The following CSMD1 variants were observed in gnomAD, a reference collection of about 807,000 sequenced individuals.
CSMD1 encodes CUB and Sushi multiple domains 1, also known as CUB and sushi domain-containing protein 1.
A neutral mutation model predicts 417.5 loss-of-function variants in CSMD1; 213 were observed. The observed-to-expected ratio is 0.51, with a 90% CI of 0.46 to 0.57. CSMD1 has a LOEUF of 0.57. Ranked by LOEUF, CSMD1 falls within the 20% of genes least tolerant of loss-of-function variation. The pLI, the probability that CSMD1 is intolerant of heterozygous loss-of-function variation, is 0.00. For synonymous variants in CSMD1, 2,862 were observed against 1,736.8 expected, an observed-to-expected ratio of 1.65 and a Z score of -16.11; for missense variants, 6,923 against 4,529.7, an observed-to-expected ratio of 1.53 and a Z score of -15.17.
At chr8:4,107,178 G>A (rs149856553) in intron 3 of CSMD1, among the ~76,000 whole-genome samples, 17 of 152,286 alleles carry the variant, frequency 1.1e-4, no homozygotes, top group African/African-American at 3.6e-4. Flanking sequence ...GAAAACAAAT[G>A]CAACAAAAAG....
At chr8:3,802,345 T>C (rs909119671) in intron 5 of CSMD1, among the ~76,000 whole-genome samples, 2 of 152,194 alleles carry the variant, frequency 1.3e-5, no homozygotes, top group Non-Finnish European at 2.9e-5. Flanking sequence ...GTTATACATC[T>C]GTATATGTGT....
At chr8:4,116,685 G>A (rs894454022) in intron 3 of CSMD1, among the ~76,000 whole-genome samples, 2 of 152,016 alleles carry the variant, frequency 1.3e-5, no homozygotes, top group East Asian at 1.9e-4. Flanking sequence ...GAGTGCAGGT[G>A]CCTGGATGGA....
At chr8:3,570,548 T>A (rs1306205449) in intron 10 of CSMD1, among the ~76,000 whole-genome samples, 1 of 106,386 alleles carries the variant, frequency 9.4e-6, no homozygotes, top group Non-Finnish European at 2.0e-5. Context: ...GGAAATATTG[T>A]CTCCGCTCTA....
chr8:4,248,809 C>T (rs1001923269), intron 3 of CSMD1, among the ~76,000 whole-genome samples: 1 of 152,064 alleles, frequency 6.6e-6, no homozygotes, highest in Non-Finnish European at 1.5e-5. Context: ...AAATCTTTGC[C>T]TAATTTGGTG....
chr8:4,381,558 T>C (rs898072700), intron 3 of CSMD1, among the ~76,000 whole-genome samples: 3 of 152,070 alleles, frequency 2.0e-5, no homozygotes, highest in Non-Finnish European at 4.4e-5. Context: ...TTTGGAGATA[T>C]GATTGCAATT....
chr8:3,135,838 G>C (rs983972345), intron 41 of CSMD1, among the ~76,000 whole-genome samples: 1 of 152,138 alleles, frequency 6.6e-6, no homozygotes, highest in Admixed American at 6.6e-5. Context: ...ATTGCAGTAG[G>C]AGAAGCAGGG....
chr8:4,349,133 A>G (rs1041854132), intron 3 of CSMD1, among the ~76,000 whole-genome samples: 1 of 152,238 alleles, frequency 6.6e-6, no homozygotes, highest in Non-Finnish European at 1.5e-5. Context: ...TTCAGTCTGA[A>G]TCCGAATACA....
intron 5 of CSMD1, among the ~76,000 whole-genome samples, chr8:3,814,116 C>A (rs1801237670): frequency 1.3e-5 from 2 of 152,224 alleles, no homozygotes; most frequent in African/African-American, 2.4e-5. Context: ...AACCCATGTT[C>A]TTTGCAATAA....
intron 2 of CSMD1, among the ~76,000 whole-genome samples, chr8:4,457,998 G>C (rs1048026669): frequency 6.6e-6 from 1 of 152,254 alleles, no homozygotes; most frequent in Non-Finnish European, 1.5e-5. Context: ...CCCCTGAGAG[G>C]TAGTGACTTC....
intron 12 of CSMD1, among the ~76,000 whole-genome samples, chr8:3,467,923 A>G (rs1407679567): frequency 6.6e-6 from 1 of 152,250 alleles, no homozygotes; most frequent in African/African-American, 2.4e-5. Context: ...AAATTCAAAA[A>G]GTAGAATAAA....
intron 67 of CSMD1, 80 bp downstream of exon 67, chr8:2,950,151 C>T: frequency 1.1e-6 from 1 of 932,560 alleles, no homozygotes; most frequent in East Asian, 2.4e-5. Context: ...TCAGAAGCCT[C>T]CAATCCGTAG....
chr8:4,758,491 T>G (rs139818709), intron 1 of CSMD1, among the ~76,000 whole-genome samples: 3,165 of 152,282 alleles, frequency 0.021, 55 homozygotes, highest in Middle Eastern at 0.058. Context: ...GAGATCCCTT[T>G]GGACTGTGCT....
chr8:3,807,101 G>C (rs2623605), intron 5 of CSMD1, among the ~76,000 whole-genome samples: 50,901 of 151,830 alleles, frequency 0.34, 8,631 homozygotes, highest in Middle Eastern at 0.38. Context: ...CTGGGGGAAG[G>C]TTAAATTGAC....
chr8:3,426,326 C>T (rs189811912), intron 12 of CSMD1, among the ~76,000 whole-genome samples: 194 of 152,214 alleles, frequency 1.3e-3, no homozygotes, highest in African/African-American at 4.4e-3. Context: ...TATTTTGTTC[C>T]GTAGGTTACG....
chr8:3,727,133 T>C (rs985614707), intron 6 of CSMD1, among the ~76,000 whole-genome samples: 5 of 152,242 alleles, frequency 3.3e-5, no homozygotes, highest in African/African-American at 1.2e-4. Context: ...ATTTATGATA[T>C]TAAACATGGT....
At chr8:4,904,906 C>G (rs1232390247) in intron 1 of CSMD1, among the ~76,000 whole-genome samples, 1 of 152,156 alleles carries the variant, frequency 6.6e-6, no homozygotes, top group African/African-American at 2.4e-5. Context: ...AAAGAGCCTG[C>G]AAGCACTTCT....
intron 51 of CSMD1, among the ~76,000 whole-genome samples, chr8:3,028,061 G>C (rs1373056130): frequency 6.6e-6 from 1 of 152,192 alleles, no homozygotes; most frequent in African/African-American, 2.4e-5. Flanking sequence ...GGCATCCCTG[G>C]GAAATCAGAG....
At chr8:3,652,710 T>C (rs1379169766) in intron 7 of CSMD1, among the ~76,000 whole-genome samples, 2 of 152,036 alleles carry the variant, frequency 1.3e-5, no homozygotes, top group Non-Finnish European at 2.9e-5. Context: ...GATTCAATTA[T>C]CTCCAAGTGA....
intron 12 of CSMD1, among the ~76,000 whole-genome samples, chr8:3,444,083 G>A (rs191820837): frequency 9.2e-5 from 14 of 152,018 alleles, no homozygotes; most frequent in South Asian, 2.1e-4. Context: ...ACACACACAC[G>A]CACATACACA....
Sources: allele counts gnomAD v4.1 joint callset (sites outside exome capture counted in the v4.1 genomes callset), GRCh38; gene constraint gnomAD v4.1.1; transcripts MANE v1.5; gene names NCBI Gene and HGNC (gene_info 2026-07-23, HGNC 2026-07-21).